The following SGPP2 variants were observed in gnomAD, a reference collection of about 807,000 sequenced individuals.
SGPP2 encodes sphingosine-1-phosphate phosphatase 2.
A neutral mutation model predicts 33.9 loss-of-function variants in SGPP2; 30 were observed. That is an observed-to-expected ratio of 0.89 (90% CI 0.66 to 1.20). The LOEUF (loss-of-function observed/expected upper bound fraction) is 1.20, where lower values mean the gene tolerates loss of function less well. Ranked by LOEUF, SGPP2 falls within the 50% of genes most tolerant of loss-of-function variation. The pLI, the probability that SGPP2 is intolerant of heterozygous loss-of-function variation, is 0.00. For synonymous variants in SGPP2, 233 were observed against 225.0 expected, an observed-to-expected ratio of 1.04 and a Z score of -0.32; for missense variants, 458 against 532.1, an observed-to-expected ratio of 0.86 and a Z score of 1.37.
intron 1 of SGPP2, among the ~76,000 whole-genome samples, chr2:222,448,835 A>G (rs1697436354): frequency 6.6e-6 from 1 of 152,190 alleles, no homozygotes; most frequent in Non-Finnish European, 1.5e-5. Flanking sequence ...ACAGCACAAT[A>G]TGGAACCAGT....
rs1486800391 is a variant in SGPP2, at chr2:222,460,311, G to A, written c.220-14257G>A. On this transcript the variant is annotated intron_variant, in intron 1 of 4. Transcript: ENST00000321276. The surrounding 1 kb of genome is among the most constrained non-coding windows in gnomAD (Gnocchi z 4.3). ...CAGGATGGCCCATGAGACTCCCTGA[G>A]TACCCAGCTGTTATTTCAGATGTGA... is the stretch of plus-strand genomic sequence containing the variant. Among the ~76,000 whole-genome samples, 1 of 152,196 alleles carries A rather than the reference G, an allele frequency of 6.6e-6. No homozygotes were observed. The highest frequency in any genetic ancestry group is 1.5e-5 in the Non-Finnish European group (1 of 68,034).
intron 4 of SGPP2, among the ~76,000 whole-genome samples, chr2:222,557,591 A>C (rs929473332): frequency 6.6e-6 from 1 of 152,198 alleles, no homozygotes; most frequent in African/African-American, 2.4e-5. Flanking sequence ...AGAATCGATT[A>C]ATTATATTGT....
intron 2 of SGPP2, among the ~76,000 whole-genome samples, chr2:222,498,971 A>G (rs375230415): frequency 4.1e-4 from 63 of 152,272 alleles, no homozygotes; most frequent in African/African-American, 1.7e-4. Flanking sequence ...TCAGAAGTCT[A>G]AATTCTCCAG....
At chr2:222,522,181 G>C (rs553083750) in intron 3 of SGPP2, among the ~76,000 whole-genome samples, 1 of 152,212 alleles carries the variant, frequency 6.6e-6, no homozygotes, top group Non-Finnish European at 1.5e-5. Flanking sequence ...TATTAATAAT[G>C]ACACCAGGAC....
intron 2 of SGPP2, among the ~76,000 whole-genome samples, chr2:222,490,599 G>A (rs13398098): frequency 0.18 from 25,166 of 139,240 alleles, 2,487 homozygotes; most frequent in East Asian, 0.54. Context: ...CAACACACCT[G>A]GCTAATTTTT....
rs144599662 is a variant in SGPP2, at chr2:222,527,134, G to A, written c.648+2101G>A. Among the ~76,000 whole-genome samples the A allele has an allele frequency of 1.5e-3, 227 of 152,318 alleles. 1 individual carries two copies. The highest frequency in any genetic ancestry group is 0.013 in the Admixed American group (192 of 15,300). ...CAGCTTTTTCTTTTTAAAGTGAGTT[G>A]TGGGGACAGTAAGCAGATATTTAGG... On this transcript the variant is annotated intron_variant, in intron 4 of 4. Coordinates refer to ENST00000321276, the MANE Select transcript of SGPP2 (RefSeq NM_152386.4).
chr2:222,478,386 T>C (rs1034342831), intron 2 of SGPP2, among the ~76,000 whole-genome samples: 6 of 151,428 alleles, frequency 4.0e-5, no homozygotes, highest in African/African-American at 1.2e-4. Context: ...GAGTTGAAGG[T>C]GGATGAAAGG....
intron 1 of SGPP2, among the ~76,000 whole-genome samples, chr2:222,436,665 A>G (rs1574829723): frequency 6.6e-6 from 1 of 152,190 alleles, no homozygotes. Flanking sequence ...ATGACGGTAG[A>G]TAAGGCATTC....
chr2:222,521,887 G>A lies in SGPP2; in HGVS notation c.499G>A (p.Ala167Thr), dbSNP rs990071082. 4.4e-6 allele frequency: 7 copies of A among 1,607,424 alleles called. No homozygotes were observed. Among genetic ancestry groups the A allele is most frequent in the East Asian group, 4.5e-5 (2 of 44,452 alleles). Residue 167 changes from alanine (A) to threonine (T), a missense_variant, in exon 3 of 5, where the codon GCC (alanine) becomes ACC (threonine). Coordinates refer to ENST00000321276, the MANE Select transcript of SGPP2 (RefSeq NM_152386.4). Reference sequence around the variant, plus strand: ...TGAATATGGAATGCCATCCACCCACGCCATGGCGGCCACTGCCATTGCCTT... The same window carrying A: ...TGAATATGGAATGCCATCCACCCACACCATGGCGGCCACTGCCATTGCCTT... ...IAEYGMPSTH[A>T]MAATAIAFTL...
Position 222,511,090 on chromosome 2 carries a change from T to A in SGPP2, c.379-10677T>A, listed in dbSNP as rs189900043. Among the ~76,000 whole-genome samples the A allele has an allele frequency of 6.0e-4, 92 of 152,310 alleles. 3 individuals are homozygous for A. The highest frequency in any genetic ancestry group is 6.0e-3 in the Admixed American group (92 of 15,306). On this transcript the variant is annotated intron_variant, in intron 2 of 4. Coordinates refer to ENST00000321276, the MANE Select transcript of SGPP2 (RefSeq NM_152386.4). ...AATGTGTTAGACATGGTACACACTG[T>A]CATTTTTTACTGTAATAACCAGAAA...
At chr2:222,443,340 T>G (rs1697354131) in intron 1 of SGPP2, among the ~76,000 whole-genome samples, 1 of 152,190 alleles carries the variant, frequency 6.6e-6, no homozygotes. Context: ...GTGACCATAG[T>G]ACCTGATGAG....
intron 1 of SGPP2, among the ~76,000 whole-genome samples, chr2:222,453,545 C>T (rs1697525349): frequency 6.6e-6 from 1 of 152,084 alleles, no homozygotes; most frequent in African/African-American, 2.4e-5. Flanking sequence ...CCCTCCTTTT[C>T]CTCCTTCTCC....
chr2:222,538,423 C>A (rs1698945484), intron 4 of SGPP2, among the ~76,000 whole-genome samples: 1 of 152,092 alleles, frequency 6.6e-6, no homozygotes, highest in South Asian at 2.1e-4. Context: ...AATTTTGTTA[C>A]ATAGAAATCT....
At position 222,486,725 on chromosome 2, in the gene SGPP2, TG is replaced by T. The variant is rs576223943; in HGVS notation, c.378+12001del. 7.6e-4 allele frequency among the ~76,000 whole-genome samples: 113 copies of T among 147,968 alleles called. 1 individual carries two copies. The highest frequency in any genetic ancestry group is 2.7e-3 in the African/African-American group (110 of 40,602). On this transcript the variant is annotated intron_variant, in intron 2 of 4. Transcript: ENST00000321276. ...TGTGAGAAGGCCAGCCGAGCTGACA[TG>T]GCCAGAGGTGTAGAGCCTAGATTCG... is the stretch of plus-strand genomic sequence containing the variant.
intron 4 of SGPP2, among the ~76,000 whole-genome samples, chr2:222,526,032 T>G (rs1334938122): frequency 6.6e-6 from 1 of 152,166 alleles, no homozygotes; most frequent in Middle Eastern, 3.2e-3. Flanking sequence ...GAGAGCAACA[T>G]TACGCTTTCC....
At position 222,537,824 on chromosome 2, in the gene SGPP2, A is replaced by G. The variant is rs115476081; in HGVS notation, c.648+12791A>G. 7.8e-3 allele frequency among the ~76,000 whole-genome samples: 1,189 copies of G among 152,348 alleles called. 16 individuals carry two copies. Among genetic ancestry groups the G allele is most frequent in the African/African-American group, 0.027 (1,136 of 41,576 alleles). The stretch of plus-strand genomic sequence containing the variant: ...AGTAAGGATTTATCCAATGAAATGA[A>G]TGGTATTATCAAGATATGGGAAGAT... On this transcript the variant is annotated intron_variant, in intron 4 of 4. Coordinates refer to ENST00000321276, the MANE Select transcript of SGPP2 (RefSeq NM_152386.4).
At chr2:222,545,333 G>A (rs754326987) in intron 4 of SGPP2, among the ~76,000 whole-genome samples, 2 of 149,792 alleles carry the variant, frequency 1.3e-5, no homozygotes, top group Non-Finnish European at 3.0e-5. Context: ...CCAGGCTGGA[G>A]TGCAGTGGCA....
chr2:222,469,280 G>A (rs1029972590), intron 1 of SGPP2, among the ~76,000 whole-genome samples: 1 of 152,158 alleles, frequency 6.6e-6, no homozygotes, highest in Non-Finnish European at 1.5e-5. Flanking sequence ...GCCCCTCCAG[G>A]TTTAAGCAAT....
chr2:222,521,943 C>T lies in SGPP2; in HGVS notation c.555C>T (p.Tyr185=), dbSNP rs1172040234. Reference sequence around the variant, plus strand: ...TCCTTATCTCTACTATGGACAGATACCAGGTAAGGTGGCCTGGTTCTTCTT... The same window carrying T: ...TCCTTATCTCTACTATGGACAGATATCAGGTAAGGTGGCCTGGTTCTTCTT... The part of the protein sequence containing the change: ...FTLLISTMDR[Y]QYPFVLGLVM... Residue 185 remains tyrosine (Y), a synonymous_variant, in exon 3 of 5, where the codon TAC becomes TAT. Coordinates refer to ENST00000321276, the MANE Select transcript of SGPP2 (RefSeq NM_152386.4). The T allele has an allele frequency of 6.6e-7, 1 of 1,522,062 alleles. No individual in the cohort carries two copies. The highest frequency in any genetic ancestry group is 8.8e-7 in the Non-Finnish European group (1 of 1,135,054). 94.3% of individuals were successfully genotyped at this position (1,522,062 alleles called of 1,614,324 possible). A position where few individuals can be genotyped will look rare whatever the true frequency, so the allele number is the denominator to read the frequency against.
Sources: gnomAD v4.1 joint callset for allele counts (sites outside exome capture counted in the v4.1 genomes callset) on GRCh38, gnomAD v4.1.1 for gene constraint, Gnocchi (gnomAD v3.1) non-coding constraint, MANE v1.5 for transcripts, NCBI Gene and HGNC (gene_info 2026-07-23, HGNC 2026-07-21) for gene names.